The following IMPG2 variants were observed in gnomAD, a reference collection of about 807,000 sequenced individuals.
IMPG2 encodes the protein interphotoreceptor matrix proteoglycan 2, also known as IPM 200.
A neutral mutation model predicts 129.2 loss-of-function variants in IMPG2; 91 were observed. That is an observed-to-expected ratio of 0.70 (90% confidence interval 0.59 to 0.84). The LOEUF (loss-of-function observed/expected upper bound fraction) is 0.84. IMPG2 is among the 40% of genes least tolerant of loss of function. IMPG2 has a pLI of 0.00. For synonymous variants in IMPG2, 510 were observed against 517.7 expected (o/e 0.99, Z 0.20); for missense variants, 1,430 against 1,461.7 (o/e 0.98, Z 0.35).
intron 10 of IMPG2, among the ~76,000 whole-genome samples, chr3:101,256,246 G>GATTAA (rs1706607943): frequency 6.6e-6 from 1 of 150,940 alleles, no homozygotes; most frequent in South Asian, 2.1e-4. Flanking sequence ...GGAAATAAGA[G>GATTAA]ATTAAATCAC....
Position 101,244,039 on chromosome 3 carries a change from T to G in IMPG2, c.2292A>C (p.Ser764=). 1 of 1,614,122 alleles carries G rather than the reference T, an allele frequency of 6.2e-7. No individual in the cohort carries two copies. Among genetic ancestry groups the G allele is most frequent in the Non-Finnish European group, 8.5e-7 (1 of 1,180,044 alleles). Residue 764 remains serine, a synonymous_variant, in exon 13 of 19, where the codon TCA becomes TCC. Transcript: ENST00000193391. ...SNYEWFDSEV[S]MVKPDMQTLW... ...AAGTTTGCATATCTGGCTTTACCAT[T>G]GAAACCTCACTGTCAAACCATTCAT...
intron 3 of IMPG2, among the ~76,000 whole-genome samples, chr3:101,299,991 C>G (rs1210808208): frequency 6.6e-6 from 1 of 152,226 alleles, no homozygotes; most frequent in Non-Finnish European, 1.5e-5. Flanking sequence ...TTCCTCAGCA[C>G]TACCAGGAGG....
intron 18 of IMPG2, chr3:101,227,840 G>A (rs1190941214): frequency 2.2e-6 from 1 of 456,170 alleles, no homozygotes; most frequent in Non-Finnish European, 4.4e-6. Context: ...TCTTACAGAG[G>A]AACCACGAGC....
chr3:101,267,491 G>A lies in IMPG2; in HGVS notation c.908+20C>T. 2 of 1,607,142 alleles carry A rather than the reference G, an allele frequency of 1.2e-6. No individual in the cohort carries two copies. The highest frequency in any genetic ancestry group is 1.7e-6 in the Non-Finnish European group (2 of 1,173,830). ...CTGTCTCCCAATTCAATGGACATTA[G>A]AGAAAGTGCCAAAAAGTACCTGTCA... On this transcript the variant is annotated intron_variant, in intron 9 of 18. Coordinates refer to ENST00000193391, the MANE Select transcript of IMPG2 (RefSeq NM_016247.4).
chr3:101,258,028 G>C (rs960137817), intron 9 of IMPG2, among the ~76,000 whole-genome samples: 2 of 152,054 alleles, frequency 1.3e-5, no homozygotes, highest in Non-Finnish European at 1.5e-5. Flanking sequence ...GATGATCTGA[G>C]CATCTTCTTC....
At chr3:101,270,667 G>A in intron 7 of IMPG2, among the ~76,000 whole-genome samples, 1 of 152,202 alleles carries the variant, frequency 6.6e-6, no homozygotes, top group South Asian at 2.1e-4. Flanking sequence ...AGGCGTGGTG[G>A]TGGGCGCCTG....
At position 101,230,991 on chromosome 3, in the gene IMPG2, G is replaced by A. The variant is rs144305775; in HGVS notation, c.3388C>T (p.His1130Tyr). 1.9e-6 allele frequency: 3 copies of A among 1,613,802 alleles called. No homozygotes were observed. The African/African-American group carries it at 4.0e-5, about 22-fold the overall frequency. Residue 1130 changes from histidine (H) to tyrosine (Y), a missense_variant, in exon 16 of 19, where the codon CAC (histidine) becomes TAC (tyrosine). Coordinates refer to ENST00000193391, the MANE Select transcript of IMPG2 (RefSeq NM_016247.4). ...IYFFIRTLQA[H>Y]HDRSERESPF... Reference sequence around the variant, plus strand: ...CTCTCTCTTTCACTCCTGTCATGGTGTGCTTGGAGAGTCCTGATGAAGAAG... The same window carrying A: ...CTCTCTCTTTCACTCCTGTCATGGTATGCTTGGAGAGTCCTGATGAAGAAG...
chr3:101,237,638 A>T (rs1418138518), intron 14 of IMPG2, among the ~76,000 whole-genome samples: 3 of 152,302 alleles, frequency 2.0e-5, no homozygotes, highest in Non-Finnish European at 4.4e-5. Context: ...TGACTGTTAG[A>T]AGGGAAATTA....
At chr3:101,240,293 T>C (rs1706393202) in intron 14 of IMPG2, among the ~76,000 whole-genome samples, 1 of 152,002 alleles carries the variant, frequency 6.6e-6, no homozygotes, top group Admixed American at 6.6e-5. Context: ...AATTTTTCAG[T>C]TTTTCTGTAG....
At chr3:101,289,950 G>A (rs998928803) in intron 4 of IMPG2, among the ~76,000 whole-genome samples, 2 of 150,524 alleles carry the variant, frequency 1.3e-5, no homozygotes, top group African/African-American at 4.9e-5. Flanking sequence ...CAACTAGATG[G>A]ATGATAATGC....
At chr3:101,262,381 T>C (rs1706679699) in intron 9 of IMPG2, among the ~76,000 whole-genome samples, 1 of 152,076 alleles carries the variant, frequency 6.6e-6, no homozygotes, top group African/African-American at 2.4e-5. Context: ...AACGGTATGT[T>C]ATATATCTCA....
chr3:101,299,400 T>A (rs1386290436), intron 3 of IMPG2, among the ~76,000 whole-genome samples: 3 of 152,216 alleles, frequency 2.0e-5, no homozygotes, highest in African/African-American at 7.2e-5. Flanking sequence ...TGTCAATTCA[T>A]CCATCTTATC....
In IMPG2 at chr3:101,243,743, C is replaced by G. The variant is rs1171809422; in HGVS notation, c.2588G>C (p.Gly863Ala). 1.2e-6 allele frequency: 2 copies of G among 1,613,842 alleles called. No individual in the cohort carries two copies. Among genetic ancestry groups the G allele is most frequent in the South Asian group, 2.2e-5 (2 of 91,052 alleles). The change falls in exon 13 of 19, where the codon GGT (glycine) becomes GCT (alanine). Residue 863 changes from glycine to alanine, a missense_variant. Gly to Ala is a moderately conservative substitution (Grantham distance 60, BLOSUM62 0). Coordinates refer to ENST00000193391, the MANE Select transcript of IMPG2 (RefSeq NM_016247.4). ...EQVQEQNGKVGSYVEMSTSVH... is the reference protein window; with the variant it reads ...EQVQEQNGKVASYVEMSTSVH... ...ACTTGTTGACATTTCCACATAACTA[C>G]CAACCTTGCCATTTTGCTCTTGGAC...
In IMPG2 at chr3:101,319,624, T is replaced by C. The variant is rs1216065958; in HGVS notation, c.294A>G (p.Ala98=). Residue 98 remains alanine, a synonymous_variant, in exon 2 of 19, where the codon GCA becomes GCG. Coordinates refer to ENST00000193391, the MANE Select transcript of IMPG2 (RefSeq NM_016247.4). ...ACTTCACATGATTTGCCACAGCCTC[T>C]GCAACACTTTCATCTGGGCAGATTT... ...GVKICPDESV[A]EAVANHVKYF... The C allele has an allele frequency of 4.3e-6, 7 of 1,613,606 alleles. No individual in the cohort carries two copies. The highest frequency in any genetic ancestry group is 4.2e-6 in the Non-Finnish European group (5 of 1,179,806).
intron 7 of IMPG2, 149 bp from the exon 8 acceptor site, chr3:101,269,722 GA>G: frequency 1.9e-6 from 1 of 530,056 alleles, no homozygotes; most frequent in Admixed American, 3.5e-5. Flanking sequence ...GTCAGAAAAT[GA>G]AAGAAAAAAT....
At chr3:101,315,484 T>A (rs2107145620) in intron 2 of IMPG2, among the ~76,000 whole-genome samples, 1 of 152,286 alleles carries the variant, frequency 6.6e-6, no homozygotes, top group African/African-American at 2.4e-5. Context: ...TACAAAAACT[T>A]ATTTCGTGCA....
At chr3:101,228,986 G>A (rs1266165326) in intron 17 of IMPG2, 110 bp from the exon 18 acceptor site, 2 of 810,396 alleles carry the variant, frequency 2.5e-6, no homozygotes, top group African/African-American at 1.7e-5. Flanking sequence ...GGGCTATTCA[G>A]AAGTATGCTA....
chr3:101,259,951 G>C (rs10511189), intron 9 of IMPG2, among the ~76,000 whole-genome samples: 19,621 of 152,094 alleles, frequency 0.13, 1,321 homozygotes, highest in Middle Eastern at 0.17. Flanking sequence ...TGATTGGTCT[G>C]TTGGCACATA....
intron 11 of IMPG2, among the ~76,000 whole-genome samples, chr3:101,246,980 T>C (rs1002736336): frequency 6.6e-6 from 1 of 151,966 alleles, no homozygotes; most frequent in Non-Finnish European, 1.5e-5. Context: ...CCTGGAGTTC[T>C]AGCTACTTGG....
Sources: gnomAD v4.1 joint callset for allele counts (sites outside exome capture counted in the v4.1 genomes callset) on GRCh38, gnomAD v4.1.1 for gene constraint, MANE v1.5 for transcripts, NCBI Gene and HGNC (gene_info 2026-07-23, HGNC 2026-07-21) for gene names.